Variants in KAZN observed in about 807,000 individuals in gnomAD.
KAZN encodes kazrin, periplakin interacting protein, also known as kazrin.
KAZN carries 40 observed loss-of-function variants against 87.4 expected under a neutral mutation model. The ratio of observed to expected loss-of-function variants is 0.46; its 90% CI spans 0.36 to 0.60. The LOEUF (loss-of-function observed/expected upper bound fraction) is 0.60, where lower values mean the gene tolerates loss of function less well. KAZN is among the 20% of genes least tolerant of loss of function. The pLI, the probability that KAZN is intolerant of heterozygous loss-of-function variation, is 0.00. For missense variants in KAZN, 898 were observed against 1,073.9 expected (o/e 0.84, Z 2.29); for synonymous variants, 466 against 458.3 (o/e 1.02, Z -0.22).
intron 2 of KAZN, among the ~76,000 whole-genome samples, chr1:14,408,859 T>C (rs1214170586): frequency 6.6e-6 from 1 of 151,642 alleles, no homozygotes; most frequent in African/African-American, 2.4e-5. Flanking sequence ...AAATATGGAT[T>C]GTGATCAATT....
chr1:14,253,269 G>A (rs1232894735), intron 2 of KAZN, among the ~76,000 whole-genome samples: 2 of 152,114 alleles, frequency 1.3e-5, no homozygotes, highest in African/African-American at 4.8e-5. Flanking sequence ...TTATTCCCAA[G>A]TCCCATACAG....
chr1:13,998,108 A>T (rs1639612575), intron 1 of KAZN, among the ~76,000 whole-genome samples: 1 of 152,222 alleles, frequency 6.6e-6, no homozygotes, highest in African/African-American at 2.4e-5. Context: ...CCAGAATTTC[A>T]TATCCAGCCA....
At chr1:14,292,475 A>C (rs534605518) in intron 2 of KAZN, among the ~76,000 whole-genome samples, 3 of 152,128 alleles carry the variant, frequency 2.0e-5, no homozygotes, top group Admixed American at 6.5e-5. Flanking sequence ...GCTGCGAGAT[A>C]TAGGGATAGG....
chr1:14,611,680 C>T (rs1178839323), intron 1 of KAZN, among the ~76,000 whole-genome samples: 39 of 145,274 alleles, frequency 2.7e-4, no homozygotes, highest in Non-Finnish European at 1.1e-4. Context: ...TAGAGCAACA[C>T]CCTGTCTCAA....
chr1:14,420,512 G>C (rs1251680727), intron 2 of KAZN, among the ~76,000 whole-genome samples: 15 of 152,190 alleles, frequency 9.9e-5, no homozygotes, highest in Non-Finnish European at 5.9e-5. Context: ...TTGGTCCTCA[G>C]CCCTTGGGCA....
intron 2 of KAZN, among the ~76,000 whole-genome samples, chr1:14,470,005 G>A (rs1571727849): frequency 6.6e-6 from 1 of 152,298 alleles, no homozygotes; most frequent in Admixed American, 6.5e-5. Context: ...CTATTAGGAG[G>A]GAGTAAGTGA....
intron 2 of KAZN, among the ~76,000 whole-genome samples, chr1:14,983,371 C>T (rs1240868131): frequency 6.6e-6 from 1 of 152,124 alleles, no homozygotes; most frequent in Admixed American, 6.5e-5. Context: ...TCATCGAAAA[C>T]GCAAATTAAA....
chr1:14,279,267 A>T (rs556769303), intron 2 of KAZN, among the ~76,000 whole-genome samples: 1 of 152,308 alleles, frequency 6.6e-6, no homozygotes, highest in East Asian at 1.9e-4. Flanking sequence ...CACCAATCAG[A>T]TAAGACACTG....
At chr1:14,417,207 A>T (rs1276855710) in intron 2 of KAZN, among the ~76,000 whole-genome samples, 1 of 151,888 alleles carries the variant, frequency 6.6e-6, no homozygotes, top group Non-Finnish European at 1.5e-5. Context: ...GAAAAAACAA[A>T]GAAAAACAAT....
At chr1:14,959,102 C>T (rs1334415142) in intron 1 of KAZN, among the ~76,000 whole-genome samples, 9 of 152,242 alleles carry the variant, frequency 5.9e-5, no homozygotes, top group East Asian at 1.9e-4. Flanking sequence ...GGAAGGAGGC[C>T]GGGGTGCAGG....
intron 1 of KAZN, among the ~76,000 whole-genome samples, chr1:14,733,158 C>T (rs1398853043): frequency 6.6e-6 from 1 of 152,102 alleles, no homozygotes; most frequent in Non-Finnish European, 1.5e-5. Flanking sequence ...CAGCCCCAGA[C>T]TTTCTGACAG....
chr1:14,137,103 C>T lies in KAZN; in HGVS notation c.92-43332C>T, dbSNP rs75038605. 4.6e-5 allele frequency among the ~76,000 whole-genome samples: 7 copies of T among 152,220 alleles called. No homozygotes were observed. In the East Asian group the frequency reaches 9.7e-4, roughly 21 times the overall value. On this transcript the variant is annotated intron_variant, in intron 1 of 16. Transcript: ENST00000636203. Reference sequence around the variant, plus strand: ...TCCCAACAAGTGAGGAAGGAAGGGCCGCTGCTGGGAAGTCAAAGGGAAACG... The same window carrying T: ...TCCCAACAAGTGAGGAAGGAAGGGCTGCTGCTGGGAAGTCAAAGGGAAACG...
rs1383649815 is a variant in KAZN, at chr1:13,968,929, C to T, written c.91+75173C>T. ...GACCTGCTTGCTAAGATTCCATATT[C>T]AGTTGCCTACTTGACATTTCTACTT... On this transcript the variant is annotated intron_variant, in intron 1 of 16. Coordinates refer to the KAZN transcript ENST00000636203. Among the ~76,000 whole-genome samples the T allele has an allele frequency of 3.3e-5, 5 of 152,188 alleles. No individual in the cohort carries two copies. In the East Asian group the frequency reaches 9.6e-4, roughly 29 times the overall value.
At chr1:14,145,805 T>G (rs1363356012) in intron 1 of KAZN, among the ~76,000 whole-genome samples, 4 of 152,208 alleles carry the variant, frequency 2.6e-5, no homozygotes, top group Admixed American at 2.6e-4. Flanking sequence ...GGTCTTGACC[T>G]CCTGACCTCA....
intron 1 of KAZN, among the ~76,000 whole-genome samples, chr1:14,919,709 A>C (rs1029234069): frequency 9.2e-5 from 14 of 152,220 alleles, no homozygotes; most frequent in Admixed American, 4.6e-4. Context: ...AAACATAAAA[A>C]CATTTGGGTC....
intron 1 of KAZN, among the ~76,000 whole-genome samples, chr1:14,749,322 A>C (rs1644348974): frequency 2.0e-5 from 3 of 152,230 alleles, no homozygotes; most frequent in African/African-American, 7.2e-5. Flanking sequence ...CCTTTCTCCC[A>C]TACTACCATA....
chr1:14,793,012 G>A (rs1645725048), intron 1 of KAZN, among the ~76,000 whole-genome samples: 1 of 152,070 alleles, frequency 6.6e-6, no homozygotes, highest in African/African-American at 2.4e-5. Context: ...ACAGTTGGCG[G>A]GACTGCATTT....
intron 1 of KAZN, among the ~76,000 whole-genome samples, chr1:13,914,409 C>G (rs1340253323): frequency 6.6e-6 from 1 of 152,246 alleles, no homozygotes; most frequent in Non-Finnish European, 1.5e-5. Context: ...CAGTACCTGG[C>G]TCAGACGCGA....
At chr1:14,763,108 A>T (rs919421451) in intron 1 of KAZN, among the ~76,000 whole-genome samples, 3 of 152,194 alleles carry the variant, frequency 2.0e-5, no homozygotes, top group South Asian at 2.1e-4. Context: ...TGATAGGCAA[A>T]GTGAGAGGTA....
Sources: allele counts gnomAD v4.1 joint callset (sites outside exome capture counted in the v4.1 genomes callset), GRCh38; gene constraint gnomAD v4.1.1; transcripts MANE v1.5; gene names NCBI Gene and HGNC (gene_info 2026-07-23, HGNC 2026-07-21).